GRM8: variants seen among roughly 807,000 people sequenced by gnomAD.
GRM8 encodes glutamate metabotropic receptor 8, also known as metabotropic glutamate receptor 8.
In GRM8, 47 loss-of-function variants were observed where a neutral mutation model predicts 87.2. The ratio of observed to expected loss-of-function variants is 0.54; its 90% confidence interval spans 0.43 to 0.69. The LOEUF is 0.69. GRM8 is among the 30% of genes least tolerant of loss of function. The probability of loss-of-function intolerance (pLI) is 0.00; values close to 1 mark genes in which losing one functional copy is unlikely to be tolerated. For synonymous variants in GRM8, 396 were observed against 404.5 expected (o/e 0.98, Z 0.25); for missense variants, 1,019 against 1,139.2 (o/e 0.89, Z 1.52).
intron 2 of GRM8, among the ~76,000 whole-genome samples, chr7:127,165,869 G>T (rs570547551): frequency 1.3e-5 from 2 of 152,222 alleles, no homozygotes; most frequent in South Asian, 4.1e-4. Flanking sequence ...TGCTAACTTT[G>T]GGGAGGTGTG....
intron 10 of GRM8, 200 bp downstream of exon 10, chr7:126,445,926 T>C: frequency 1.6e-6 from 1 of 613,654 alleles, no homozygotes; most frequent in South Asian, 2.1e-5. Flanking sequence ...TGAGCAAGTT[T>C]GTACTCTGTA....
At chr7:126,763,276 C>A (rs1817789788) in intron 7 of GRM8, among the ~76,000 whole-genome samples, 1 of 151,198 alleles carries the variant, frequency 6.6e-6, no homozygotes, top group African/African-American at 2.4e-5. Context: ...CCTACATTTT[C>A]TTTTATTCTT....
chr7:127,046,195 C>A (rs1456481597), intron 3 of GRM8, among the ~76,000 whole-genome samples: 1 of 151,976 alleles, frequency 6.6e-6, no homozygotes, highest in Non-Finnish European at 1.5e-5. Context: ...CACGGTGAAA[C>A]CCCGTCTCTA....
At chr7:127,098,578 CA>C (rs1042407979) in intron 3 of GRM8, among the ~76,000 whole-genome samples, 20 of 146,016 alleles carry the variant, frequency 1.4e-4, no homozygotes, top group African/African-American at 2.5e-4. Context: ...TTGACCCTCA[CA>C]AAAAAAAAAC....
intron 7 of GRM8, among the ~76,000 whole-genome samples, chr7:126,734,773 G>C (rs368387900): frequency 4.5e-4 from 69 of 152,120 alleles, no homozygotes; most frequent in African/African-American, 1.6e-3. Flanking sequence ...TTCAAAGATT[G>C]ACCTGTGAAC....
intron 3 of GRM8, among the ~76,000 whole-genome samples, chr7:127,074,199 TTC>T (rs1822025302): frequency 7.9e-5 from 12 of 152,238 alleles, no homozygotes; most frequent in African/African-American, 2.2e-4. Context: ...TAAAATAGTA[TTC>T]TGTTGATTAT....
At chr7:126,735,151 C>A (rs1281222278) in intron 7 of GRM8, among the ~76,000 whole-genome samples, 1 of 151,746 alleles carries the variant, frequency 6.6e-6, no homozygotes, top group Non-Finnish European at 1.5e-5. Flanking sequence ...GCAAGTAACA[C>A]CAAATATGAA....
rs1480609174 is a variant in GRM8, at chr7:126,903,747, GTATATGTGTATATATATA to G, written c.1018+207_1018+224del. Reference sequence around the variant, plus strand: ...TATATGTATATGTGTATATATATATGTATATGTGTATATATATATGTGTGTGTGTATATATATATATAT... The same window carrying G: ...TATATGTATATGTGTATATATATATGTGTGTGTGTGTATATATATATATAT... On this transcript the variant is annotated intron_variant, in intron 5 of 10. Coordinates refer to ENST00000339582, the MANE Select transcript of GRM8 (RefSeq NM_000845.3). 2.1e-3 allele frequency among the ~76,000 whole-genome samples: 233 copies of G among 110,652 alleles called. 4 individuals are homozygous for G. The highest frequency in any genetic ancestry group is 2.5e-3 in the Non-Finnish European group (140 of 55,106). 72.6% of individuals were successfully genotyped at this position (110,652 alleles called of 152,430 possible).
At chr7:126,677,091 T>C (rs1807035197) in intron 7 of GRM8, among the ~76,000 whole-genome samples, 1 of 152,084 alleles carries the variant, frequency 6.6e-6, no homozygotes, top group South Asian at 2.1e-4. Flanking sequence ...CCACCAAATA[T>C]ATGAAGAAAT....
intron 2 of GRM8, among the ~76,000 whole-genome samples, chr7:127,120,267 A>C (rs1310819740): frequency 6.6e-6 from 1 of 152,226 alleles, no homozygotes; most frequent in Non-Finnish European, 1.5e-5. Flanking sequence ...ACCAGAAATG[A>C]AGACTCTTTA....
chr7:127,109,330 A>C (rs1826124201), intron 2 of GRM8, among the ~76,000 whole-genome samples: 1 of 152,200 alleles, frequency 6.6e-6, no homozygotes, highest in African/African-American at 2.4e-5. Flanking sequence ...TCCTTTAAAA[A>C]AAAAAGTAGT....
At chr7:126,530,551 C>T (rs1814635426) in intron 9 of GRM8, among the ~76,000 whole-genome samples, 1 of 152,162 alleles carries the variant, frequency 6.6e-6, no homozygotes, top group Non-Finnish European at 1.5e-5. Context: ...AGTTCAATGC[C>T]GGACACAATG....
chr7:127,167,778 C>T (rs1192930762), intron 2 of GRM8, among the ~76,000 whole-genome samples: 1 of 152,052 alleles, frequency 6.6e-6, no homozygotes, highest in Non-Finnish European at 1.5e-5. Context: ...CTTCCTATTC[C>T]CTCAGACACA....
intron 2 of GRM8, among the ~76,000 whole-genome samples, chr7:127,206,287 C>G (rs577170898): frequency 1.6e-4 from 24 of 152,234 alleles, no homozygotes; most frequent in African/African-American, 5.8e-4. Context: ...TAAGCTTGCC[C>G]AAATGCGGTG....
intron 6 of GRM8, among the ~76,000 whole-genome samples, chr7:126,777,397 G>A (rs984666599): frequency 2.0e-5 from 3 of 152,012 alleles, no homozygotes; most frequent in Non-Finnish European, 2.9e-5. Context: ...GGCAGTAAAC[G>A]GCAATTTAAA....
intron 6 of GRM8, among the ~76,000 whole-genome samples, chr7:126,849,049 A>G (rs1796964838): frequency 6.6e-6 from 1 of 152,100 alleles, no homozygotes. Flanking sequence ...AGACTTCTTC[A>G]TTATTATGAG....
intron 6 of GRM8, among the ~76,000 whole-genome samples, chr7:126,854,249 T>G (rs143235064): frequency 6.6e-6 from 1 of 152,210 alleles, no homozygotes; most frequent in Non-Finnish European, 1.5e-5. Context: ...CTAGCTTAAA[T>G]GTAACAGGGA....
In GRM8 at chr7:126,593,914, C is replaced by A. The variant is rs747057080; in HGVS notation, c.1494+15448G>T. 5.7e-4 allele frequency among the ~76,000 whole-genome samples: 87 copies of A among 151,866 alleles called. 1 individual carries two copies. Among genetic ancestry groups the A allele is most frequent in the Non-Finnish European group, 1.8e-4 (12 of 67,886 alleles). ...AGCTCATTAGCAAGAAAACAAATAACCTGGTAAAAATTGGGCAAAGGACCT... is the reference window on the plus strand; with the variant it reads ...AGCTCATTAGCAAGAAAACAAATAAACTGGTAAAAATTGGGCAAAGGACCT... On this transcript the variant is annotated intron_variant, in intron 8 of 10. Coordinates refer to ENST00000339582, the MANE Select transcript of GRM8 (RefSeq NM_000845.3).
chr7:127,084,072 G>GA (rs1289528472), intron 3 of GRM8, among the ~76,000 whole-genome samples: 3 of 152,072 alleles, frequency 2.0e-5, no homozygotes, highest in Admixed American at 2.0e-4. Context: ...CTTAGTGAGG[G>GA]AAAAAAGTAC....
Sources: gnomAD v4.1 joint callset for allele counts (sites outside exome capture counted in the v4.1 genomes callset) on GRCh38, gnomAD v4.1.1 for gene constraint, MANE v1.5 for transcripts, NCBI Gene and HGNC (gene_info 2026-07-23, HGNC 2026-07-21) for gene names.